The following LRRC4C variants were observed in gnomAD, a reference collection of about 807,000 sequenced individuals.
LRRC4C encodes the protein leucine-rich repeat-containing protein 4C.
LRRC4C carries 5 observed loss-of-function variants against 33.6 expected under a neutral mutation model. That is an observed-to-expected ratio of 0.15 (90% CI 0.08 to 0.31). The LOEUF (loss-of-function observed/expected upper bound fraction) is 0.31, where lower values mean the gene tolerates loss of function less well. Ranked by LOEUF, LRRC4C falls within the 10% of genes least tolerant of loss-of-function variation. LRRC4C has a pLI of 1.00. For missense variants in LRRC4C, 560 were observed against 796.7 expected, an observed-to-expected ratio of 0.70 and a Z score of 3.58; for synonymous variants, 329 against 302.0, an observed-to-expected ratio of 1.09 and a Z score of -0.93.
chr11:40,415,620 G>T (rs1464930135), intron 3 of LRRC4C, among the ~76,000 whole-genome samples: 1 of 152,114 alleles, frequency 6.6e-6, no homozygotes, highest in Non-Finnish European at 1.5e-5. Context: ...GTAGAAAAAG[G>T]GTAATGACAT....
At chr11:40,653,283 A>G (rs1169589175) in intron 2 of LRRC4C, among the ~76,000 whole-genome samples, 1 of 152,224 alleles carries the variant, frequency 6.6e-6, no homozygotes, top group Non-Finnish European at 1.5e-5. Flanking sequence ...AAAGTGTGGG[A>G]AAGTTTGGAA....
chr11:41,439,896 T>C (rs541425291), intron 1 of LRRC4C, among the ~76,000 whole-genome samples: 2 of 152,344 alleles, frequency 1.3e-5, no homozygotes, highest in East Asian at 3.9e-4. Flanking sequence ...TTCTAGATAT[T>C]AGTCCTCTGT....
intron 3 of LRRC4C, among the ~76,000 whole-genome samples, chr11:40,549,172 AAAG>A (rs772096416): frequency 3.3e-5 from 5 of 152,176 alleles, no homozygotes; most frequent in African/African-American, 4.8e-5. Flanking sequence ...TGTCCTAATC[AAAG>A]AAGATTTCCT....
intron 1 of LRRC4C, among the ~76,000 whole-genome samples, chr11:41,005,182 A>G (rs191873733): frequency 6.6e-6 from 1 of 152,296 alleles, no homozygotes. Context: ...TCCAAATCTC[A>G]TGTTGAAATG....
At chr11:40,587,944 G>T (rs1217151433) in intron 3 of LRRC4C, among the ~76,000 whole-genome samples, 1 of 151,840 alleles carries the variant, frequency 6.6e-6, no homozygotes, top group African/African-American at 2.4e-5. Flanking sequence ...TCTCTTTTTT[G>T]GTTGTGTCTC....
chr11:40,987,705 G>GAT (rs1203799796), intron 1 of LRRC4C, among the ~76,000 whole-genome samples: 1 of 138,324 alleles, frequency 7.2e-6, no homozygotes, highest in Admixed American at 7.8e-5. Context: ...ATATATATGA[G>GAT]ATATATATGA....
At chr11:40,251,851 CACATGT>C (rs1866810582) in intron 4 of LRRC4C, among the ~76,000 whole-genome samples, 1 of 152,206 alleles carries the variant, frequency 6.6e-6, no homozygotes, top group South Asian at 2.1e-4. Flanking sequence ...CAGCAAAGAA[CACATGT>C]TCATTAGGCT....
chr11:41,448,549 A>G (rs151047282), intron 1 of LRRC4C, among the ~76,000 whole-genome samples: 2 of 152,090 alleles, frequency 1.3e-5, no homozygotes, highest in East Asian at 3.9e-4. Flanking sequence ...CAGGTGATCC[A>G]TGTGCCTCCG....
At chr11:41,123,514 C>T (rs1434297094) in intron 1 of LRRC4C, among the ~76,000 whole-genome samples, 2 of 151,388 alleles carry the variant, frequency 1.3e-5, no homozygotes, top group African/African-American at 2.4e-5. Flanking sequence ...CCTCGTGATC[C>T]GCCCGCCTCG....
At chr11:40,675,716 T>A (rs1453207627) in intron 2 of LRRC4C, among the ~76,000 whole-genome samples, 1 of 152,198 alleles carries the variant, frequency 6.6e-6, no homozygotes, top group Non-Finnish European at 1.5e-5. Flanking sequence ...CAACAACTAT[T>A]TACAGAATAA....
intron 3 of LRRC4C, among the ~76,000 whole-genome samples, chr11:40,451,290 A>C (rs950147862): frequency 5.3e-5 from 8 of 151,522 alleles, no homozygotes; most frequent in Non-Finnish European, 1.0e-4. Context: ...AACCAAAACA[A>C]AAAAGAAATA....
In LRRC4C at chr11:40,937,601, A is replaced by ATGTGTGTGTGTG. The variant is rs1486364979; in HGVS notation, c.-495-3879_-495-3878insCACACACACACA. ...TAATTCACTCTTCTTGAGTGTGTGT[A>ATGTGTGTGTGTG]TATGTGTGTGTGTGTGTGTGTGTGT... On this transcript the variant is annotated intron_variant, in intron 1 of 6. Transcript: ENST00000528697. Among the ~76,000 whole-genome samples the ATGTGTGTGTGTG allele has an allele frequency of 7.8e-4, 89 of 114,754 alleles. 1 individual carries two copies. The highest frequency in any genetic ancestry group is 3.5e-3 in the African/African-American group (85 of 24,042). 75.3% of individuals were successfully genotyped at this position (114,754 alleles called of 152,430 possible). A position where few individuals can be genotyped will look rare whatever the true frequency, so the allele number is the denominator to read the frequency against.
intron 1 of LRRC4C, among the ~76,000 whole-genome samples, chr11:41,448,529 C>A (rs903891707): frequency 2.6e-5 from 4 of 152,080 alleles, no homozygotes; most frequent in African/African-American, 9.7e-5. Context: ...TGGTCTCTAA[C>A]TCCTGACCTC....
chr11:40,394,165 G>T (rs1252041785), intron 3 of LRRC4C, among the ~76,000 whole-genome samples: 4 of 152,074 alleles, frequency 2.6e-5, no homozygotes, highest in Admixed American at 2.6e-4. Flanking sequence ...GGTGGTTCAG[G>T]ACCCCATTGC....
At chr11:41,435,601 C>T (rs964284892) in intron 1 of LRRC4C, among the ~76,000 whole-genome samples, 1 of 152,142 alleles carries the variant, frequency 6.6e-6, no homozygotes, top group Non-Finnish European at 1.5e-5. Context: ...CTTATATGTT[C>T]CTCGGAAACT....
At chr11:40,200,735 C>T (rs375945598) in intron 5 of LRRC4C, among the ~76,000 whole-genome samples, 28 of 119,300 alleles carry the variant, frequency 2.3e-4, no homozygotes, top group African/African-American at 8.7e-4. Context: ...CACTGCACCC[C>T]AGACTGGGTT....
At chr11:40,816,004 G>T (rs1033043488) in intron 2 of LRRC4C, among the ~76,000 whole-genome samples, 2 of 152,146 alleles carry the variant, frequency 1.3e-5, no homozygotes, top group African/African-American at 4.8e-5. Flanking sequence ...AGAAAGCAAA[G>T]AGCTAAGAGG....
chr11:40,739,893 T>C (rs1250117673), intron 2 of LRRC4C, among the ~76,000 whole-genome samples: 1 of 151,840 alleles, frequency 6.6e-6, no homozygotes, highest in Non-Finnish European at 1.5e-5. Flanking sequence ...TAATATGATA[T>C]GTATGTATGT....
At chr11:40,516,751 C>T (rs1048077430) in intron 3 of LRRC4C, among the ~76,000 whole-genome samples, 2 of 152,070 alleles carry the variant, frequency 1.3e-5, no homozygotes, top group Admixed American at 6.6e-5. Context: ...CTAAAATGAA[C>T]CTAAAAATAA....
Sources: gnomAD v4.1 joint callset for allele counts (sites outside exome capture counted in the v4.1 genomes callset) on GRCh38, gnomAD v4.1.1 for gene constraint, MANE v1.5 for transcripts, NCBI Gene and HGNC (gene_info 2026-07-23, HGNC 2026-07-21) for gene names.